Variants in FAM83B observed in about 807,000 individuals in gnomAD.
FAM83B encodes the protein protein FAM83B.
FAM83B carries 26 observed loss-of-function variants against 38.8 expected under a neutral mutation model. The observed-to-expected ratio is 0.67, with a 90% confidence interval of 0.49 to 0.93. The LOEUF is 0.93. Ranked by LOEUF, FAM83B falls within the 40% of genes least tolerant of loss-of-function variation. The probability of loss-of-function intolerance (pLI) is 0.00; values close to 1 mark genes in which losing one functional copy is unlikely to be tolerated. For missense variants in FAM83B, 1,237 were observed against 1,197.3 expected, an observed-to-expected ratio of 1.03 and a Z score of -0.49; for synonymous variants, 419 against 423.1, an observed-to-expected ratio of 0.99 and a Z score of 0.12.
At chr6:54,892,391 C>A (rs923542905) in intron 2 of FAM83B, among the ~76,000 whole-genome samples, 1 of 151,884 alleles carries the variant, frequency 6.6e-6, no homozygotes, top group African/African-American at 2.4e-5. Flanking sequence ...GCCTAGTACT[C>A]AGTTATTTTT....
intron 2 of FAM83B, among the ~76,000 whole-genome samples, chr6:54,902,059 G>C (rs1289269551): frequency 1.3e-5 from 2 of 151,988 alleles, no homozygotes; most frequent in Non-Finnish European, 2.9e-5. Flanking sequence ...GAAGGGATTG[G>C]TGTATTGGGT....
chr6:54,936,130 C>T (rs1337095356), intron 4 of FAM83B, among the ~76,000 whole-genome samples: 1 of 152,110 alleles, frequency 6.6e-6, no homozygotes, highest in Non-Finnish European at 1.5e-5. Context: ...GAGATCATTT[C>T]CAAGCCCTGA....
intron 2 of FAM83B, among the ~76,000 whole-genome samples, chr6:54,894,156 C>T (rs1337427947): frequency 6.6e-6 from 1 of 152,130 alleles, no homozygotes; most frequent in Admixed American, 6.6e-5. Context: ...TTAAGTATGT[C>T]TTTTGTGCTT....
At chr6:54,906,063 A>AT (rs1772770484) in intron 2 of FAM83B, among the ~76,000 whole-genome samples, 1 of 151,972 alleles carries the variant, frequency 6.6e-6, no homozygotes, top group Admixed American at 6.6e-5. Flanking sequence ...GAAAAAAAAA[A>AT]AAAAAGTATT....
intron 2 of FAM83B, among the ~76,000 whole-genome samples, chr6:54,879,853 G>C (rs1344490750): frequency 2.0e-5 from 3 of 152,188 alleles, no homozygotes; most frequent in African/African-American, 7.2e-5. Context: ...TCAGCAACAA[G>C]CTGACAATAG....
chr6:54,906,130 C>G (rs775951403), intron 2 of FAM83B, among the ~76,000 whole-genome samples: 1 of 151,390 alleles, frequency 6.6e-6, no homozygotes, highest in African/African-American at 2.4e-5. Context: ...TCAGCTGGTT[C>G]TATCTCTATG....
At chr6:54,870,100 A>T (rs1771807095) in intron 1 of FAM83B, 87 bp from the exon 2 acceptor site, 3 of 620,896 alleles carry the variant, frequency 4.8e-6, no homozygotes, top group Non-Finnish European at 8.4e-6. Flanking sequence ...AAATGTGTAA[A>T]TGAAAAAATA....
intron 2 of FAM83B, among the ~76,000 whole-genome samples, chr6:54,922,801 T>A (rs1301321080): frequency 6.6e-6 from 1 of 152,078 alleles, no homozygotes; most frequent in African/African-American, 2.4e-5. Flanking sequence ...TTTGCTCATC[T>A]TCTAAGGTAT....
intron 2 of FAM83B, among the ~76,000 whole-genome samples, chr6:54,908,132 A>G (rs1449927960): frequency 6.1e-4 from 11 of 18,104 alleles, no homozygotes; most frequent in South Asian, 3.1e-3. Flanking sequence ...GATTTCATGG[A>G]AAAAAAAAAA....
intron 1 of FAM83B, among the ~76,000 whole-genome samples, chr6:54,849,071 G>C (rs1771205455): frequency 6.6e-6 from 1 of 152,140 alleles, no homozygotes; most frequent in South Asian, 2.1e-4. Context: ...GAATTTTGTT[G>C]TTGAATTTAT....
At chr6:54,850,916 G>T (rs1282120094) in intron 1 of FAM83B, among the ~76,000 whole-genome samples, 4 of 151,208 alleles carry the variant, frequency 2.6e-5, no homozygotes, top group Admixed American at 2.6e-4. Context: ...CTACTTGGGA[G>T]GCTGAGGCAG....
chr6:54,879,500 C>G (rs570917225), intron 2 of FAM83B, among the ~76,000 whole-genome samples: 2 of 152,072 alleles, frequency 1.3e-5, no homozygotes, highest in Non-Finnish European at 2.9e-5. Flanking sequence ...GAAGGGGTCA[C>G]GTAGGAGGTC....
At chr6:54,860,727 TGTAA>T (rs1284504045) in intron 1 of FAM83B, among the ~76,000 whole-genome samples, 1 of 152,228 alleles carries the variant, frequency 6.6e-6, no homozygotes, top group Non-Finnish European at 1.5e-5. Flanking sequence ...CTGTATTATG[TGTAA>T]GTGTGTGTAT....
chr6:54,865,209 C>CAGGGCCAT (rs1387737363), intron 1 of FAM83B, among the ~76,000 whole-genome samples: 9 of 152,154 alleles, frequency 5.9e-5, no homozygotes, highest in Non-Finnish European at 8.8e-5. Context: ...AGAGTGTCAG[C>CAGGGCCAT]AGGGCCATGC....
In FAM83B at chr6:54,870,395, A is replaced by T. The variant is rs776093156; in HGVS notation, c.149A>T (p.Glu50Val). 1.2e-6 allele frequency: 2 copies of T among 1,614,082 alleles called. No homozygotes were observed. Among genetic ancestry groups the T allele is most frequent in the Non-Finnish European group, 1.7e-6 (2 of 1,179,970 alleles). The change falls in exon 2 of 5, where the codon GAA (glutamate) becomes GTA (valine). Residue 50 changes from glutamate (E) to valine (V), a missense_variant. Transcript: ENST00000306858. ...GCATACCAAGAATTTCTTGTCCAGG[A>T]ACGAGTTTCAGACTTTCTTGCTGAG... ...LEAYQEFLVQ[E>V]RVSDFLAEEE...
In FAM83B at chr6:54,873,674, T is replaced by A. The variant is rs996800170; in HGVS notation, c.444+2984T>A. Among the ~76,000 whole-genome samples, 5 of 149,630 alleles carry A rather than the reference T, an allele frequency of 3.3e-5. No homozygotes were observed. The East Asian group carries it at 1.0e-3, about 31-fold the overall frequency. Reference sequence around the variant, plus strand: ...TTTCATAAAGTATTTGGATAATGTATATTTTAATGGATAAAGTTTTTTTTT... The same window carrying A: ...TTTCATAAAGTATTTGGATAATGTAAATTTTAATGGATAAAGTTTTTTTTT... On this transcript the variant is annotated intron_variant, in intron 2 of 4. Coordinates refer to ENST00000306858, the MANE Select transcript of FAM83B (RefSeq NM_001010872.3).
chr6:54,894,399 T>C (rs993870864), intron 2 of FAM83B, among the ~76,000 whole-genome samples: 5 of 152,154 alleles, frequency 3.3e-5, no homozygotes, highest in African/African-American at 1.2e-4. Flanking sequence ...TTTAGGATGA[T>C]AGTCTCATAG....
intron 2 of FAM83B, among the ~76,000 whole-genome samples, chr6:54,884,306 A>AAAAG (rs1310320424): frequency 6.7e-6 from 1 of 149,576 alleles, no homozygotes; most frequent in African/African-American, 2.5e-5. Flanking sequence ...GTCTAAAAAA[A>AAAAG]AAAAAAAAAA....
At chr6:54,914,026 A>C (rs1772979473) in intron 2 of FAM83B, among the ~76,000 whole-genome samples, 1 of 152,066 alleles carries the variant, frequency 6.6e-6, no homozygotes, top group African/African-American at 2.4e-5. Context: ...CCTAAATGTC[A>C]TTTTACAGTT....
Sources: allele counts gnomAD v4.1 joint callset (sites outside exome capture counted in the v4.1 genomes callset), GRCh38; gene constraint gnomAD v4.1.1; transcripts MANE v1.5; gene names NCBI Gene and HGNC (gene_info 2026-07-23, HGNC 2026-07-21).